Variants in WWOX observed in about 807,000 individuals in gnomAD.
WWOX encodes the protein WW domain containing oxidoreductase, also known as WW domain-containing oxidoreductase.
WWOX carries 69 observed loss-of-function variants against 46.2 expected under a neutral mutation model. That is an observed-to-expected ratio of 1.49 (90% CI 1.23 to 1.82). The LOEUF (loss-of-function observed/expected upper bound fraction) is 1.82, where lower values mean the gene tolerates loss of function less well. Among genes scored for constraint, WWOX ranks in the 40% most tolerant of loss-of-function variants. WWOX has a pLI of 0.00. For missense variants in WWOX, 919 were observed against 542.6 expected (o/e 1.69, Z -6.89); for synonymous variants, 359 against 202.6 (o/e 1.77, Z -6.56).
intron 5 of WWOX, among the ~76,000 whole-genome samples, chr16:78,357,167 C>T (rs777865710): frequency 1.3e-5 from 2 of 152,150 alleles, no homozygotes; most frequent in Non-Finnish European, 1.5e-5. Context: ...CAGTAAAGTT[C>T]CTGATGTTTG....
At chr16:79,101,650 C>G (rs2049197142) in intron 8 of WWOX, 1 of 151,588 alleles carries the variant, frequency 6.6e-6, no homozygotes, top group East Asian at 2.0e-4. Flanking sequence ...ACACGCCGTG[C>G]TTTCCAGAAG....
chr16:78,356,508 C>A (rs1262067796), intron 5 of WWOX, among the ~76,000 whole-genome samples: 7 of 152,172 alleles, frequency 4.6e-5, no homozygotes, highest in African/African-American at 1.7e-4. Context: ...CCCTAGACCT[C>A]ATCTCCAGTG....
intron 5 of WWOX, among the ~76,000 whole-genome samples, chr16:78,199,734 A>G (rs1212918061): frequency 6.6e-6 from 1 of 152,126 alleles, no homozygotes; most frequent in African/African-American, 2.4e-5. Context: ...CCCCCTTCCC[A>G]TAAAAAAAAT....
At chr16:78,753,205 C>T (rs886259142) in intron 8 of WWOX, among the ~76,000 whole-genome samples, 1 of 152,056 alleles carries the variant, frequency 6.6e-6, no homozygotes, top group Non-Finnish European at 1.5e-5. Flanking sequence ...GAGGCTGAGA[C>T]AGGATAATGG....
chr16:78,880,772 C>G (rs1426424350), intron 8 of WWOX, among the ~76,000 whole-genome samples: 5 of 152,156 alleles, frequency 3.3e-5, no homozygotes, highest in Non-Finnish European at 7.3e-5. Flanking sequence ...TTTCAAAGAA[C>G]TAACTGTATC....
At chr16:78,165,238 C>G (rs888581241) in intron 5 of WWOX, among the ~76,000 whole-genome samples, 4 of 152,144 alleles carry the variant, frequency 2.6e-5, no homozygotes, top group African/African-American at 9.7e-5. Flanking sequence ...AGAATGAAGT[C>G]CAGACTGCAT....
intron 8 of WWOX, chr16:78,756,844 G>A (rs199617376): frequency 3.9e-5 from 27 of 689,232 alleles, no homozygotes; most frequent in African/African-American, 3.9e-4. Context: ...CTGTATAATC[G>A]ATAGGGTATT....
chr16:78,706,714 A>G (rs929236254), intron 8 of WWOX, among the ~76,000 whole-genome samples: 1 of 152,014 alleles, frequency 6.6e-6, no homozygotes, highest in African/African-American at 2.4e-5. Context: ...TTCCCTTTTG[A>G]CCTGTGGGTA....
At chr16:78,977,966 G>A (rs969967128) in intron 8 of WWOX, among the ~76,000 whole-genome samples, 1 of 74,806 alleles carries the variant, frequency 1.3e-5, no homozygotes, top group Admixed American at 1.7e-4. Flanking sequence ...ACAATGGTGT[G>A]TAAATACCGC....
At chr16:79,058,665 A>G (rs865838921) in intron 8 of WWOX, among the ~76,000 whole-genome samples, 8 of 152,328 alleles carry the variant, frequency 5.3e-5, no homozygotes, top group Middle Eastern at 3.4e-3. Context: ...TATATAATCA[A>G]TCAACTAGTC....
At chr16:78,933,237 G>A (rs181645719) in intron 8 of WWOX, among the ~76,000 whole-genome samples, 5 of 152,304 alleles carry the variant, frequency 3.3e-5, no homozygotes, top group African/African-American at 4.8e-5. Flanking sequence ...TCAGGAGTTC[G>A]AGACCAGCCT....
intron 8 of WWOX, among the ~76,000 whole-genome samples, chr16:78,488,985 A>T (rs528222610): frequency 6.6e-6 from 1 of 152,210 alleles, no homozygotes; most frequent in South Asian, 2.1e-4. Flanking sequence ...TGTAGAACAC[A>T]GAACTTCGCA....
chr16:78,937,308 C>G (rs754415278), intron 8 of WWOX, among the ~76,000 whole-genome samples: 2 of 152,040 alleles, frequency 1.3e-5, no homozygotes, highest in Non-Finnish European at 2.9e-5. Context: ...ACACCTGCAT[C>G]TTTAATTATG....
At chr16:78,482,841 T>C (rs1054306844) in intron 8 of WWOX, among the ~76,000 whole-genome samples, 3 of 152,198 alleles carry the variant, frequency 2.0e-5, no homozygotes, top group Admixed American at 6.5e-5. Context: ...CTCATCTGCC[T>C]TCCTGTGTCT....
At chr16:79,110,902 T>G (rs1275004352) in intron 8 of WWOX, 1 of 152,204 alleles carries the variant, frequency 6.6e-6, no homozygotes, top group African/African-American at 2.4e-5. Context: ...CGGGATTGTT[T>G]TGAGAAATGA....
intron 8 of WWOX, among the ~76,000 whole-genome samples, chr16:79,053,441 A>C (rs1488849847): frequency 6.6e-6 from 1 of 152,196 alleles, no homozygotes. Context: ...ATGAATATCC[A>C]ATTCAATTTG....
intron 8 of WWOX, among the ~76,000 whole-genome samples, chr16:79,008,373 T>C (rs1162901224): frequency 1.3e-5 from 2 of 152,206 alleles, no homozygotes; most frequent in Non-Finnish European, 2.9e-5. Flanking sequence ...TTTTGATTAA[T>C]GCAAAACCAA....
intron 5 of WWOX, among the ~76,000 whole-genome samples, chr16:78,205,938 T>C (rs1483045223): frequency 6.6e-6 from 1 of 151,742 alleles, no homozygotes. Flanking sequence ...TCTCTTTCTT[T>C]CTTTTGTTCC....
At chr16:78,517,709 C>T (rs1288139743) in intron 8 of WWOX, among the ~76,000 whole-genome samples, 2 of 151,856 alleles carry the variant, frequency 1.3e-5, no homozygotes, top group African/African-American at 2.4e-5. Context: ...GCGTTGACTT[C>T]ATGTTGGGAC....
Sources: allele counts gnomAD v4.1 joint callset (sites outside exome capture counted in the v4.1 genomes callset), GRCh38; gene constraint gnomAD v4.1.1; transcripts MANE v1.5; gene names NCBI Gene and HGNC (gene_info 2026-07-23, HGNC 2026-07-21).